The following NCOA1 variants were observed in gnomAD, a reference collection of about 807,000 sequenced individuals.
The protein encoded by NCOA1 is Hin-2 protein.
In NCOA1, 35 loss-of-function variants were observed where a neutral mutation model predicts 150.9. The observed-to-expected ratio is 0.23, with a 90% CI of 0.18 to 0.31. The LOEUF (loss-of-function observed/expected upper bound fraction) is 0.31. NCOA1 is among the 10% of genes least tolerant of loss of function. NCOA1 has a pLI of 1.00. For missense variants in NCOA1, 1,491 were observed against 1,749.3 expected (o/e 0.85, Z 2.63); for synonymous variants, 590 against 630.0 (o/e 0.94, Z 0.95).
At chr2:24,522,732 A>T (rs961925224) in intron 1 of NCOA1, among the ~76,000 whole-genome samples, 1 of 152,226 alleles carries the variant, frequency 6.6e-6, no homozygotes, top group Admixed American at 6.5e-5. Flanking sequence ...ATTTTCAACG[A>T]TGGAAAAGAT....
chr2:24,763,614 CTCTT>C (rs1283326032), intron 22 of NCOA1, among the ~76,000 whole-genome samples: 1 of 126,482 alleles, frequency 7.9e-6, no homozygotes, highest in Non-Finnish European at 1.7e-5. Flanking sequence ...TGGTCTCTCT[CTCTT>C]TTTTTTTTTT....
chr2:24,664,486 G>A (rs974889920), intron 5 of NCOA1, among the ~76,000 whole-genome samples: 3 of 152,018 alleles, frequency 2.0e-5, no homozygotes, highest in Non-Finnish European at 4.4e-5. Flanking sequence ...TGAGACGGGC[G>A]GATCATGAGG....
At chr2:24,747,327 CTTTTTTT>C (rs148901218) in intron 19 of NCOA1, among the ~76,000 whole-genome samples, 27 of 120,168 alleles carry the variant, frequency 2.2e-4, no homozygotes, top group East Asian at 1.2e-3. Context: ...TTATTTTTCT[CTTTTTTT>C]TTTTTTTTTT....
intron 1 of NCOA1, among the ~76,000 whole-genome samples, chr2:24,515,505 G>C (rs1664127582): frequency 6.6e-6 from 1 of 152,108 alleles, no homozygotes; most frequent in Non-Finnish European, 1.5e-5. Flanking sequence ...CTAGAGTTCT[G>C]GGTATTACAG....
chr2:24,566,901 A>G (rs1382603072), intron 2 of NCOA1, among the ~76,000 whole-genome samples: 1 of 152,242 alleles, frequency 6.6e-6, no homozygotes, highest in East Asian at 1.9e-4. Context: ...CTGCAGGGGC[A>G]TGGGGGGCCT....
At chr2:24,751,754 C>A (rs190384709) in intron 19 of NCOA1, among the ~76,000 whole-genome samples, 2 of 152,232 alleles carry the variant, frequency 1.3e-5, no homozygotes, top group Admixed American at 1.3e-4. Context: ...TCCGAGCTTA[C>A]ATTTATTTCA....
chr2:24,688,647 TA>T (rs1226682232), intron 8 of NCOA1, among the ~76,000 whole-genome samples: 1 of 152,226 alleles, frequency 6.6e-6, no homozygotes. Context: ...TACTGGATAT[TA>T]GACTTTTGTC....
chr2:24,625,813 G>A (rs559558690), intron 3 of NCOA1, among the ~76,000 whole-genome samples: 10 of 150,464 alleles, frequency 6.6e-5, no homozygotes, highest in African/African-American at 2.2e-4. Flanking sequence ...TTGAAGTTTT[G>A]GAGTTTTTCT....
chr2:24,559,801 C>T (rs1666224061), intron 1 of NCOA1, among the ~76,000 whole-genome samples: 1 of 152,120 alleles, frequency 6.6e-6, no homozygotes, highest in Admixed American at 6.5e-5. Context: ...TTTGCCTCTA[C>T]CCCTCTCCTA....
At chr2:24,584,806 C>T (rs1214399241) in intron 3 of NCOA1, among the ~76,000 whole-genome samples, 1 of 152,140 alleles carries the variant, frequency 6.6e-6, no homozygotes, top group African/African-American at 2.4e-5. Flanking sequence ...CGAAAACTTC[C>T]TAAAGTTCAC....
chr2:24,695,249 T>C (rs1395332099), intron 10 of NCOA1, among the ~76,000 whole-genome samples: 2 of 151,876 alleles, frequency 1.3e-5, no homozygotes, highest in Admixed American at 1.3e-4. Context: ...TCATGTAAAA[T>C]AAAAAATTAG....
chr2:24,713,139 G>T (rs1426287806), intron 14 of NCOA1, among the ~76,000 whole-genome samples: 1 of 152,122 alleles, frequency 6.6e-6, no homozygotes, highest in Non-Finnish European at 1.5e-5. Context: ...GCTGAGGCAG[G>T]AGAATCACCT....
At chr2:24,510,867 C>A (rs1335679627) in intron 1 of NCOA1, among the ~76,000 whole-genome samples, 1 of 152,102 alleles carries the variant, frequency 6.6e-6, no homozygotes, top group East Asian at 1.9e-4. Context: ...AATCATATTC[C>A]ATAAGTCACC....
chr2:24,714,204 T>G (rs1673905547), intron 14 of NCOA1, among the ~76,000 whole-genome samples: 1 of 152,176 alleles, frequency 6.6e-6, no homozygotes, highest in Non-Finnish European at 1.5e-5. Flanking sequence ...AGGATCAAGC[T>G]TATGTACAAG....
intron 13 of NCOA1, among the ~76,000 whole-genome samples, chr2:24,709,929 T>C (rs1455887276): frequency 1.3e-5 from 2 of 152,126 alleles, no homozygotes; most frequent in African/African-American, 4.8e-5. Context: ...ATTCTACTTA[T>C]ATACTCTAGA....
chr2:24,583,104 A>C (rs1448787018), intron 2 of NCOA1, among the ~76,000 whole-genome samples: 1 of 152,188 alleles, frequency 6.6e-6, no homozygotes, highest in Admixed American at 6.5e-5. Context: ...CAGCAGAGAA[A>C]ACAATCAACA....
intron 17 of NCOA1, 87 bp downstream of exon 17, chr2:24,729,902 G>C (rs1662904701): frequency 2.1e-6 from 3 of 1,408,580 alleles, no homozygotes; most frequent in Non-Finnish European, 2.9e-6. Context: ...CTAGTGTGCA[G>C]TAGTGCTATC....
intron 2 of NCOA1, among the ~76,000 whole-genome samples, chr2:24,572,103 G>A (rs1666766654): frequency 1.3e-5 from 2 of 152,024 alleles, no homozygotes; most frequent in South Asian, 2.1e-4. Flanking sequence ...TAGTAAATAC[G>A]CTTTTTGGTT....
chr2:24,573,409 G>T (rs1016011333), intron 2 of NCOA1, among the ~76,000 whole-genome samples: 14 of 152,054 alleles, frequency 9.2e-5, no homozygotes, highest in Middle Eastern at 3.4e-3. Flanking sequence ...ACACTCTTTG[G>T]TTGACCTTTG....
Sources: gnomAD v4.1 joint callset for allele counts (sites outside exome capture counted in the v4.1 genomes callset) on GRCh38, gnomAD v4.1.1 for gene constraint, MANE v1.5 for transcripts, NCBI Gene and HGNC (gene_info 2026-07-23, HGNC 2026-07-21) for gene names.